The following HCN1 variants were observed in gnomAD, a reference collection of about 807,000 sequenced individuals.
HCN1 encodes the protein potassium/sodium hyperpolarization-activated cyclic nucleotide-gated channel 1.
Under a neutral mutation model 78.9 loss-of-function variants are expected in HCN1, and 13 were observed. The observed-to-expected ratio is 0.16, with a 90% CI of 0.11 to 0.26. The LOEUF is 0.26. HCN1 is among the 10% of genes least tolerant of loss of function. HCN1 has a pLI of 1.00. For missense variants in HCN1, 810 were observed against 1,154.3 expected, an observed-to-expected ratio of 0.70 and a Z score of 4.32; for synonymous variants, 552 against 455.5, an observed-to-expected ratio of 1.21 and a Z score of -2.70.
At chr5:45,631,366 C>T (rs1181202107) in intron 2 of HCN1, among the ~76,000 whole-genome samples, 2 of 152,092 alleles carry the variant, frequency 1.3e-5, no homozygotes, top group African/African-American at 4.8e-5. Flanking sequence ...TAAAACCCTA[C>T]AGAGCTATCT....
At chr5:45,421,728 A>G (rs1740233315) in intron 3 of HCN1, among the ~76,000 whole-genome samples, 1 of 152,200 alleles carries the variant, frequency 6.6e-6, no homozygotes, top group African/African-American at 2.4e-5. Context: ...AATACAATGG[A>G]CTGATGTCTT....
At chr5:45,675,632 G>A (rs1746253088) in intron 1 of HCN1, among the ~76,000 whole-genome samples, 1 of 151,758 alleles carries the variant, frequency 6.6e-6, no homozygotes, top group South Asian at 2.1e-4. Flanking sequence ...CCATTCCAAA[G>A]TATTAAATCA....
intron 4 of HCN1, among the ~76,000 whole-genome samples, chr5:45,361,284 T>C (rs1274358890): frequency 6.7e-6 from 1 of 150,284 alleles, no homozygotes; most frequent in Non-Finnish European, 1.5e-5. Context: ...TGGGTTCTAG[T>C]GATTCTCCTG....
intron 2 of HCN1, among the ~76,000 whole-genome samples, chr5:45,493,780 G>A (rs1741953895): frequency 7.0e-6 from 1 of 143,176 alleles, no homozygotes. Context: ...TCCCCAGAGT[G>A]TGATGTTCCC....
chr5:45,582,425 G>A (rs150548792), intron 2 of HCN1, among the ~76,000 whole-genome samples: 2,516 of 152,244 alleles, frequency 0.017, 64 homozygotes, highest in African/African-American at 0.057. Context: ...TTTGGGCTGA[G>A]ATGATGGGGT....
At chr5:45,403,623 C>T (rs920797165) in intron 3 of HCN1, among the ~76,000 whole-genome samples, 19 of 152,238 alleles carry the variant, frequency 1.2e-4, no homozygotes, top group African/African-American at 2.2e-4. Flanking sequence ...CACCTCCCAC[C>T]GGGTTCCTCT....
intron 1 of HCN1, among the ~76,000 whole-genome samples, chr5:45,651,391 T>G (rs969129589): frequency 3.3e-5 from 5 of 152,004 alleles, no homozygotes; most frequent in African/African-American, 4.8e-5. Context: ...ATATAAAAGT[T>G]TGGACCATTG....
intron 2 of HCN1, among the ~76,000 whole-genome samples, chr5:45,538,723 T>A (rs1434214128): frequency 6.6e-6 from 1 of 152,158 alleles, no homozygotes; most frequent in African/African-American, 2.4e-5. Flanking sequence ...AAAATCAATG[T>A]ACATTATCGA....
At chr5:45,658,587 G>A (rs1457254511) in intron 1 of HCN1, among the ~76,000 whole-genome samples, 2 of 151,936 alleles carry the variant, frequency 1.3e-5, no homozygotes, top group African/African-American at 4.8e-5. Context: ...GCGCAGGCCA[G>A]TGTGTGCGCG....
At chr5:45,268,430 A>C (rs1209569699) in intron 6 of HCN1, among the ~76,000 whole-genome samples, 2 of 152,242 alleles carry the variant, frequency 1.3e-5, no homozygotes, top group African/African-American at 4.8e-5. Context: ...AAGTATTTCT[A>C]AAATTTAGTC....
In HCN1 at chr5:45,303,679, TAC is replaced by T; in HGVS notation, c.1536_1537del (p.Met512IlefsTer16). The T allele has an allele frequency of 6.2e-7, 1 of 1,613,550 alleles. No individual in the cohort carries two copies. The highest frequency in any genetic ancestry group is 8.5e-7 in the Non-Finnish European group (1 of 1,179,688). On this transcript the variant is annotated frameshift_variant, in exon 6 of 8. Transcript: ENST00000303230. LOFTEE classifies it high-confidence loss of function. ...ACCAGCAACACCGTGTTGAATGAAATACATTTTTTTACCCACGGCTCCTTCTC... is the reference window on the plus strand; with the variant it reads ...ACCAGCAACACCGTGTTGAATGAAATATTTTTTTACCCACGGCTCCTTCTC...
chr5:45,287,099 C>CTGTG (rs968145857), intron 6 of HCN1, among the ~76,000 whole-genome samples: 1 of 147,662 alleles, frequency 6.8e-6, no homozygotes, highest in East Asian at 2.0e-4. Flanking sequence ...GTGTGTGTGT[C>CTGTG]TGTGTGTGTG....
At chr5:45,600,913 G>C (rs528835776) in intron 2 of HCN1, among the ~76,000 whole-genome samples, 1 of 152,230 alleles carries the variant, frequency 6.6e-6, no homozygotes, top group African/African-American at 2.4e-5. Flanking sequence ...ACTGTTGTCT[G>C]TGAAGAAAAA....
chr5:45,383,582 T>C (rs1168574339), intron 4 of HCN1, among the ~76,000 whole-genome samples: 2 of 152,038 alleles, frequency 1.3e-5, no homozygotes, highest in Admixed American at 6.6e-5. Flanking sequence ...GTAGTCCTGC[T>C]ACTCGGGAGG....
At chr5:45,468,217 T>A (rs1034945355) in intron 2 of HCN1, among the ~76,000 whole-genome samples, 1 of 152,126 alleles carries the variant, frequency 6.6e-6, no homozygotes, top group Non-Finnish European at 1.5e-5. Context: ...GATATGATGA[T>A]ACCTTTGAAA....
intron 3 of HCN1, among the ~76,000 whole-genome samples, chr5:45,425,898 T>G (rs2112071973): frequency 6.6e-6 from 1 of 152,254 alleles, no homozygotes; most frequent in South Asian, 2.1e-4. Flanking sequence ...AGACAGATGC[T>G]TGGGAATGAC....
rs148141619 is a variant in HCN1 at position 45,598,037 on chromosome 5, C to T, written c.849+47148G>A. On this transcript the variant is annotated intron_variant, in intron 2 of 7. Coordinates refer to ENST00000303230, the MANE Select transcript of HCN1 (RefSeq NM_021072.4). Reference sequence around the variant, plus strand: ...GCCATCCCCATCAAGCTACCAATGACTTTGTTCACAGAATTGGAAAAAAAC... The same window carrying T: ...GCCATCCCCATCAAGCTACCAATGATTTTGTTCACAGAATTGGAAAAAAAC... Among the ~76,000 whole-genome samples the T allele has an allele frequency of 2.7e-3, 418 of 152,256 alleles. 11 individuals are homozygous for T. The East Asian group carries it at 0.069, about 25-fold the overall frequency.
At chr5:45,407,105 C>G (rs1338080734) in intron 3 of HCN1, among the ~76,000 whole-genome samples, 1 of 152,094 alleles carries the variant, frequency 6.6e-6, no homozygotes, top group Non-Finnish European at 1.5e-5. Flanking sequence ...TGCTTTCACT[C>G]AACACCTGGA....
At chr5:45,349,391 C>T (rs914171149) in intron 5 of HCN1, among the ~76,000 whole-genome samples, 11 of 152,064 alleles carry the variant, frequency 7.2e-5, no homozygotes, top group South Asian at 2.1e-4. Context: ...GAGGGAAATT[C>T]ATAGCACTAA....
Sources: allele counts gnomAD v4.1 joint callset (sites outside exome capture counted in the v4.1 genomes callset), GRCh38; gene constraint gnomAD v4.1.1; transcripts MANE v1.5; gene names NCBI Gene and HGNC (gene_info 2026-07-23, HGNC 2026-07-21).